The following PITPNM2 variants were observed in gnomAD, a reference collection of about 807,000 sequenced individuals.
PITPNM2 encodes membrane-associated phosphatidylinositol transfer protein 2.
Under a neutral mutation model 132.2 loss-of-function variants are expected in PITPNM2, and 35 were observed. That is an observed-to-expected ratio of 0.26 (90% CI 0.20 to 0.35). PITPNM2 has a LOEUF of 0.35. Among genes scored for constraint, PITPNM2 ranks in the 10% least tolerant of loss-of-function variants. The pLI, the probability that PITPNM2 is intolerant of heterozygous loss-of-function variation, is 1.00. For missense variants in PITPNM2, 1,332 were observed against 1,912.0 expected, an observed-to-expected ratio of 0.70 and a Z score of 5.66; for synonymous variants, 738 against 799.2, an observed-to-expected ratio of 0.92 and a Z score of 1.29.
intron 2 of PITPNM2, chr12:123,088,250 T>C (rs921927259): frequency 6.6e-6 from 1 of 152,172 alleles, no homozygotes; most frequent in Non-Finnish European, 1.5e-5. Context: ...TTACATGACT[T>C]GCTTTCTAAA....
intron 8 of PITPNM2, among the ~76,000 whole-genome samples, chr12:123,003,971 T>C (rs2038806015): frequency 6.6e-6 from 1 of 152,262 alleles, no homozygotes; most frequent in East Asian, 1.9e-4. Flanking sequence ...TTTTCTAAAG[T>C]GCCTGCATTA....
At chr12:122,998,924 C>T (rs1392819785) in intron 10 of PITPNM2, among the ~76,000 whole-genome samples, 1 of 152,062 alleles carries the variant, frequency 6.6e-6, no homozygotes, top group Non-Finnish European at 1.5e-5. Flanking sequence ...ACCAGCCTGG[C>T]CAACATAGCA....
rs986606925 is a variant in PITPNM2 at position 122,994,954 on chromosome 12, C to T, written c.2080G>A (p.Glu694Lys). Residue 694 changes from glutamate (E) to lysine (K), a missense_variant, in exon 15 of 26, where the codon GAG becomes AAG. By Grantham distance (56) the Glu-to-Lys change is moderately conservative. This residue lies in a region of PITPNM2 where 710 missense variants were observed against 911.5 expected (regional missense o/e 0.78). Coordinates refer to ENST00000320201, the MANE Select transcript of PITPNM2 (RefSeq NM_020845.3). This position sits in a 1 kb window ranked among gnomAD's most constrained non-coding sequence, Gnocchi z 5.4. ...CTGCTGGAATGGCGTGAGCAGGGCT[C>T]AGTCCTCAGCACGCTGGCATGGAGG... ...SSLHASVLRTEPCSRHSSSST... is the reference protein window; with the variant it reads ...SSLHASVLRTKPCSRHSSSST... 1 of 1,609,516 alleles carries T rather than the reference C, an allele frequency of 6.2e-7. No individual in the cohort carries two copies. The highest frequency in any genetic ancestry group is 1.7e-5 in the Admixed American group (1 of 59,732).
chr12:123,003,386 T>C (rs2038782124), intron 8 of PITPNM2, among the ~76,000 whole-genome samples: 1 of 152,150 alleles, frequency 6.6e-6, no homozygotes, highest in Non-Finnish European at 1.5e-5. Context: ...GTGAAATACG[T>C]ATTGTCCTCT....
chr12:123,109,126 T>C (rs1221144670), intron 2 of PITPNM2, among the ~76,000 whole-genome samples: 1 of 152,170 alleles, frequency 6.6e-6, no homozygotes, highest in African/African-American at 2.4e-5. Context: ...ACATTAAACC[T>C]ACCCCCACCA....
rs530755472 is a variant in PITPNM2 at position 123,095,155 on chromosome 12, T to C, written c.-96+15230A>G. On this transcript the variant is annotated intron_variant, in intron 2 of 25. Coordinates refer to ENST00000320201, the MANE Select transcript of PITPNM2 (RefSeq NM_020845.3). The surrounding 1 kb of genome is among the most constrained non-coding windows in gnomAD (Gnocchi z 5.0). ...CCACCATCCTTGCACAGCAGGCTGA[T>C]TCAGGGCTTGGAACGTGGTGAGGGG... 6.6e-6 allele frequency among the ~76,000 whole-genome samples: 1 copy of C among 152,266 alleles called. No homozygotes were observed. Among genetic ancestry groups the C allele is most frequent in the South Asian group, 2.1e-4 (1 of 4,822 alleles).
At position 123,022,168 on chromosome 12, in the gene PITPNM2, A is replaced by G. The variant is rs2039695092; in HGVS notation, c.79-8126T>C. 6.6e-6 allele frequency among the ~76,000 whole-genome samples: 1 copy of G among 152,108 alleles called. No homozygotes were observed. The highest frequency in any genetic ancestry group is 2.1e-4 in the South Asian group (1 of 4,826). ...AGAGGTGCGGGGAAGGGCGGTGAGG[A>G]GGGGCCAGGCAGCACGGCTCTCCGC... On this transcript the variant is annotated intron_variant, in intron 3 of 25. Coordinates refer to ENST00000320201, the MANE Select transcript of PITPNM2 (RefSeq NM_020845.3). This position sits in a 1 kb window ranked among gnomAD's most constrained non-coding sequence, Gnocchi z 4.9.
Position 122,986,182 on chromosome 12 carries a change from C to A in PITPNM2, c.3895G>T (p.Ala1299Ser). The A allele has an allele frequency of 6.5e-7, 1 of 1,547,324 alleles. No homozygotes were observed. The highest frequency in any genetic ancestry group is 1.2e-5 in the South Asian group (1 of 84,460). ...SRNHLLRTIS[A>S]QPSGPSHRHE... The stretch of plus-strand genomic sequence containing the variant: ...CGGTGGCTGGGCCCGCTGGGCTGGG[C>A]CGAGATGGTGCGAAGCAGGTGGTTC... Residue 1299 changes from alanine to serine, a missense_variant, in exon 26 of 26, where the codon GCC becomes TCC. Transcript: ENST00000320201.
chr12:123,112,466 C>T (rs2042857722), intron 1 of PITPNM2, among the ~76,000 whole-genome samples: 2 of 152,044 alleles, frequency 1.3e-5, no homozygotes, highest in Admixed American at 6.6e-5. Flanking sequence ...CCAAATAATA[C>T]ATCGTGTTGC....
In PITPNM2 at chr12:122,986,748, C is replaced by G. The variant is rs748130396; in HGVS notation, c.3495G>C (p.Leu1165=). 6.2e-7 allele frequency: 1 copy of G among 1,613,570 alleles called. No individual in the cohort carries two copies. Among genetic ancestry groups the G allele is most frequent in the Non-Finnish European group, 8.5e-7 (1 of 1,179,994 alleles). The change falls in exon 24 of 26, where the codon CTG becomes CTC. Residue 1165 remains leucine, a synonymous_variant. Coordinates refer to ENST00000320201, the MANE Select transcript of PITPNM2 (RefSeq NM_020845.3). ...CGCCATGGGGGAAGTTGTGCTGGGC[C>G]AGCCACGCCACCACCCGCTGCTTCT... ...DMQKQRVVAW[L]AQHNFPHGVV... is the part of the protein sequence containing the mutation.
In PITPNM2 at chr12:123,004,623, G is replaced by A; in HGVS notation, c.953-134C>T. 1 of 791,646 alleles carries A rather than the reference G, an allele frequency of 1.3e-6. No homozygotes were observed. The highest frequency in any genetic ancestry group is 2.1e-6 in the Non-Finnish European group (1 of 465,348). 49.0% of individuals were successfully genotyped at this position (791,646 alleles called of 1,614,324 possible). A position where few individuals can be genotyped will look rare whatever the true frequency, so the allele number is the denominator to read the frequency against. ...CAGAGGCTGCCACAGGAGCCAGGAA[G>A]GTTCCGAAGAGAATGAAGTGTGTAA... On this transcript the variant is annotated intron_variant, in intron 7 of 25. Coordinates refer to ENST00000320201, the MANE Select transcript of PITPNM2 (RefSeq NM_020845.3). The surrounding 1 kb of genome is among the most constrained non-coding windows in gnomAD (Gnocchi z 4.9).
intron 10 of PITPNM2, among the ~76,000 whole-genome samples, chr12:122,998,462 G>C (rs1344222940): frequency 6.6e-6 from 1 of 151,936 alleles, no homozygotes; most frequent in East Asian, 1.9e-4. Flanking sequence ...CCACTACTCA[G>C]CACTCTCCTG....
At chr12:123,151,653 G>A (rs1295956840), upstream of PITPNM2, among the ~76,000 whole-genome samples, 1 of 152,104 alleles carries the variant, frequency 6.6e-6, no homozygotes, top group South Asian at 2.1e-4. Context: ...GGAGTAGCTG[G>A]AAGAGGATCA....
chr12:123,149,471 A>AACAC (rs1294507942), intron 1 of PITPNM2, among the ~76,000 whole-genome samples: 1 of 152,146 alleles, frequency 6.6e-6, no homozygotes, highest in Non-Finnish European at 1.5e-5. Flanking sequence ...ATTTAACAGC[A>AACAC]ACAGTCCAGG....
Position 122,992,872 on chromosome 12 carries a change from C to A in PITPNM2, c.2234-203G>T, listed in dbSNP as rs1594124184. 6.6e-6 allele frequency among the ~76,000 whole-genome samples: 1 copy of A among 152,308 alleles called. No homozygotes were observed. The highest frequency in any genetic ancestry group is 2.4e-5 in the African/African-American group (1 of 41,560). On this transcript the variant is annotated intron_variant, in intron 15 of 25. Transcript: ENST00000320201. The surrounding 1 kb of genome is among the most constrained non-coding windows in gnomAD (Gnocchi z 6.5). The stretch of plus-strand genomic sequence containing the variant: ...ACAGGGTCTTGCTCTGTCACCCAGG[C>A]TGGAGGGCAGTGGTGCGATCTTGGT...
rs2042953231 is a variant in PITPNM2, at chr12:123,117,382, T to C, written c.-199-6894A>G. ...CTGTGCAGAGCAGGGGTTTGCACAC[T>C]GTGGACAGAGATATGGATGGGATTC... is the stretch of plus-strand genomic sequence containing the variant. On this transcript the variant is annotated intron_variant, in intron 1 of 25. Coordinates refer to ENST00000320201, the MANE Select transcript of PITPNM2 (RefSeq NM_020845.3). The surrounding 1 kb of genome is among the most constrained non-coding windows in gnomAD (Gnocchi z 4.7). Among the ~76,000 whole-genome samples the C allele has an allele frequency of 6.6e-6, 1 of 152,138 alleles. No homozygotes were observed. The highest frequency in any genetic ancestry group is 2.4e-5 in the African/African-American group (1 of 41,416).
At chr12:122,989,972 G>T in intron 17 of PITPNM2, 24 bp from the exon 18 acceptor site, 1 of 1,299,754 alleles carries the variant, frequency 7.7e-7, no homozygotes, top group Non-Finnish European at 9.8e-7. Flanking sequence ...GCAATGGATG[G>T]CTCAGCCACG....
intron 2 of PITPNM2, among the ~76,000 whole-genome samples, chr12:123,072,314 CAGGGGA>C (rs1185690210): frequency 2.0e-5 from 3 of 152,204 alleles, no homozygotes; most frequent in Non-Finnish European, 4.4e-5. Context: ...TGATGGTAGA[CAGGGGA>C]CAGGGACAAG....
chr12:123,017,019 C>T (rs1325411722), intron 3 of PITPNM2, among the ~76,000 whole-genome samples: 4 of 148,492 alleles, frequency 2.7e-5, no homozygotes, highest in African/African-American at 1.0e-4. Context: ...GCACTCCAGC[C>T]TGGGCGACAG....
Sources: allele counts gnomAD v4.1 joint callset (sites outside exome capture counted in the v4.1 genomes callset), GRCh38; gene constraint gnomAD v4.1.1; regional missense constraint gnomAD v4.1.1; non-coding constraint Gnocchi (gnomAD v3.1); transcripts MANE v1.5; gene names NCBI Gene and HGNC (gene_info 2026-07-23, HGNC 2026-07-21).